Variants in SLC34A3 observed in about 807,000 individuals in gnomAD.
SLC34A3 encodes the protein sodium-dependent phosphate transport protein 2C.
SLC34A3 carries 60 observed loss-of-function variants against 43.9 expected under a neutral mutation model. That is an observed-to-expected ratio of 1.37 (90% CI 1.11 to 1.70). The LOEUF (loss-of-function observed/expected upper bound fraction) is 1.70, where lower values mean the gene tolerates loss of function less well. Among genes scored for constraint, SLC34A3 ranks in the 40% most tolerant of loss-of-function variants. SLC34A3 has a pLI of 0.00. For synonymous variants in SLC34A3, 451 were observed against 386.2 expected (o/e 1.17, Z -1.97); for missense variants, 969 against 823.8 (o/e 1.18, Z -2.16).
intron 2 of SLC34A3, 69 bp from the exon 3 acceptor site, chr9:137,232,003 T>C (rs1404283233): frequency 6.8e-7 from 1 of 1,465,658 alleles, no homozygotes; most frequent in East Asian, 2.3e-5. Context: ...TCCTCCGGCC[T>C]GTGCCCTTGT....
chr9:137,235,924 A>C, intron 12 of SLC34A3, 28 bp from the exon 13 acceptor site: 1 of 1,605,872 alleles, frequency 6.2e-7, no homozygotes, highest in South Asian at 1.1e-5. Context: ...CGTTGGGCCC[A>C]GGCCCCTGAC....
At chr9:137,233,779 T>TGGGGGCCCCCCCCCCCC in intron 8 of SLC34A3, 57 bp downstream of exon 8, 1 of 1,445,814 alleles carries the variant, frequency 6.9e-7, no homozygotes, top group South Asian at 1.2e-5. Context: ...TGCTGAGTCA[T>TGGGGGCCCCCCCCCCCC]CCCGCCCCAC....
intron 12 of SLC34A3, 33 bp from the exon 13 acceptor site, chr9:137,235,919 G>T (rs777051115): frequency 4.1e-5 from 65 of 1,604,504 alleles, no homozygotes; most frequent in Non-Finnish European, 2.6e-6. Flanking sequence ...CACCTCGTTG[G>T]GCCCAGGCCC....
chr9:137,231,611 G>A (rs1426762880), intron 1 of SLC34A3, 53 bp from the exon 2 acceptor site: 2 of 1,150,728 alleles, frequency 1.7e-6, no homozygotes, highest in Non-Finnish European at 2.6e-6. Flanking sequence ...AGCTTGTGAG[G>A]ACAGGGCCGG....
intron 8 of SLC34A3, 57 bp downstream of exon 8, chr9:137,233,779 T>TGGGGCCCCCCCCCCCC: frequency 6.9e-7 from 1 of 1,445,812 alleles, no homozygotes; most frequent in Non-Finnish European, 9.6e-7. Context: ...TGCTGAGTCA[T>TGGGGCCCCCCCCCCCC]CCCGCCCCAC....
intron 7 of SLC34A3, 33 bp downstream of exon 7, chr9:137,233,437 C>T: frequency 1.9e-6 from 3 of 1,591,104 alleles, no homozygotes; most frequent in Non-Finnish European, 2.6e-6. Context: ...CCCAGAGAGC[C>T]TGAGCAGGCC....
At position 137,235,989 on chromosome 9, in the gene SLC34A3, T is replaced by A. The variant is rs1407987712; in HGVS notation, c.1373T>A (p.Ile458Asn). The change falls in exon 13 of 13, where the codon ATC becomes AAC. Residue 458 changes from isoleucine to asparagine, a missense_variant. Coordinates refer to ENST00000673835, the MANE Select transcript of SLC34A3 (RefSeq NM_001177316.2). ...CACTTCTTCTTCAACCTGGCCGGCA[T>A]CCTGCTGTGGTACCTGGTGCCTGCA... is the stretch of plus-strand genomic sequence containing the variant. The part of the protein sequence containing the change: ...LIHFFFNLAG[I>N]LLWYLVPALR... 4 of 1,612,550 alleles carry A rather than the reference T, an allele frequency of 2.5e-6. No individual in the cohort carries two copies. In the Admixed American group the frequency reaches 6.7e-5, roughly 27 times the overall value.
At chr9:137,233,451 T>C in intron 7 of SLC34A3, 47 bp downstream of exon 7, 1 of 1,591,110 alleles carries the variant, frequency 6.3e-7, no homozygotes, top group Non-Finnish European at 8.5e-7. Context: ...GCAGGCCGGA[T>C]GGGAGGAGGG....
At position 137,233,100 on chromosome 9, in the gene SLC34A3, G is replaced by A. The variant is rs759525091; in HGVS notation, c.545G>A (p.Arg182Gln). 206 of 1,604,208 alleles carry A rather than the reference G, an allele frequency of 1.3e-4. No homozygotes were observed. Among genetic ancestry groups the A allele is most frequent in the East Asian group, 6.1e-4 (27 of 44,168 alleles). ...TLVSMAQSGDRDEFQRAFSGS... is the reference protein window; with the variant it reads ...TLVSMAQSGDQDEFQRAFSGS... ...GTCTCAATGGCGCAGTCAGGGGACC[G>A]GGATGAATTTCAGAGGTGAGTTGTG... Residue 182 changes from arginine (R) to glutamine (Q), a missense_variant, in exon 6 of 13, where the codon CGG becomes CAG. Transcript: ENST00000673835.
At chr9:137,233,779 T>TTGGGCGCCCC in intron 8 of SLC34A3, 57 bp downstream of exon 8, 5 of 1,445,814 alleles carry the variant, frequency 3.5e-6, no homozygotes, top group Middle Eastern at 2.1e-4. Context: ...TGCTGAGTCA[T>TTGGGCGCCCC]CCCGCCCCAC....
Position 137,236,320 on chromosome 9 carries a change from C to G in SLC34A3, c.1704C>G (p.Arg568=), listed in dbSNP as rs1385288792. 2.6e-6 allele frequency: 4 copies of G among 1,542,622 alleles called. No individual in the cohort carries two copies. The East Asian group carries it at 9.8e-5, about 38-fold the overall frequency. Residue 568 remains arginine (R), a synonymous_variant, in exon 13 of 13, where the codon CGC becomes CGG. Transcript: ENST00000673835. ...AGCCCTGGGACCGCCTGGTGACCCG[C>G]TGCTGCCCCTGCAACGTCTGCAGCC... ...SLEPWDRLVT[R]CCPCNVCSPP...
rs759747802 is a variant in SLC34A3, at chr9:137,233,395, C to T, written c.747C>T (p.Leu249=). ...TGCTGACGAAGCCGCTCACACACCT[C>T]ATCGTGCAGGTGAGGACGGCCACCG... ...LKVLTKPLTH[L]IVQLDSDMIM... The change falls in exon 7 of 13, where the codon CTC becomes CTT. Residue 249 remains leucine, a synonymous_variant. Transcript: ENST00000673835. 1.0e-5 allele frequency: 16 copies of T among 1,603,890 alleles called. No homozygotes were observed. The highest frequency in any genetic ancestry group is 1.1e-5 in the Non-Finnish European group (13 of 1,177,040).
At chr9:137,232,956 G>A (rs1245072778) in intron 5 of SLC34A3, 29 bp downstream of exon 5, 3 of 1,599,230 alleles carry the variant, frequency 1.9e-6, no homozygotes, top group South Asian at 1.1e-5. Context: ...CCCGGGTGGT[G>A]GGGGGGGCAG....
chr9:137,231,834 AC>A (rs1564415263), intron 2 of SLC34A3, 47 bp downstream of exon 2: 10 of 1,500,136 alleles, frequency 6.7e-6, no homozygotes, highest in East Asian at 4.5e-5. Context: ...CTGACCACCC[AC>A]CCCCCAGGCA....
rs754868140 is a variant in SLC34A3 at position 137,236,086 on chromosome 9, C to G, written c.1470C>G (p.Val490=). The G allele has an allele frequency of 2.5e-6, 4 of 1,612,358 alleles. No individual in the cohort carries two copies. Among genetic ancestry groups the G allele is most frequent in the Non-Finnish European group, 3.4e-6 (4 of 1,179,846 alleles). Residue 490 remains valine (V), a synonymous_variant, in exon 13 of 13, where the codon GTC becomes GTG. Transcript: ENST00000673835. ...VTARYRWVAG[V]YLLLGFLLLP... ...CCCGTTACCGCTGGGTGGCTGGGGT[C>G]TACCTGCTGCTCGGATTCCTGCTGC...
Position 137,233,149 on chromosome 9 carries a change from G to A in SLC34A3, c.560+34G>A, listed in dbSNP as rs780310346. The A allele has an allele frequency of 7.8e-6, 12 of 1,532,076 alleles. No individual in the cohort carries two copies. The East Asian group carries it at 2.5e-4, about 32-fold the overall frequency. 94.9% of individuals were successfully genotyped at this position (1,532,076 alleles called of 1,614,324 possible). On this transcript the variant is annotated intron_variant, in intron 6 of 12. Transcript: ENST00000673835. Reference sequence around the variant, plus strand: ...TGGGTGGAAGGGCTGGGCTGGGGCTGCAGTGGCAGCCCCAGCCCGGGCCCC... The same window carrying A: ...TGGGTGGAAGGGCTGGGCTGGGGCTACAGTGGCAGCCCCAGCCCGGGCCCC...
chr9:137,233,787 C>G (rs1836395807), intron 8 of SLC34A3, 65 bp downstream of exon 8: 11 of 1,456,550 alleles, frequency 7.6e-6, no homozygotes, highest in Non-Finnish European at 1.0e-5. Context: ...CATCCCGCCC[C>G]ACCCACCCTC....
At chr9:137,235,929 CCT>C (rs748932147) in intron 12 of SLC34A3, 21 bp from the exon 13 acceptor site, 54 of 1,609,220 alleles carry the variant, frequency 3.4e-5, no homozygotes, top group Middle Eastern at 2.2e-4. Flanking sequence ...GGCCCAGGCC[CCT>C]GACAGCCCCC....
Position 137,233,413 on chromosome 9 carries a change from G to A in SLC34A3, c.756+9G>A, listed in dbSNP as rs4076685. On this transcript the variant is annotated intron_variant, in intron 7 of 12. Coordinates refer to ENST00000673835, the MANE Select transcript of SLC34A3 (RefSeq NM_001177316.2). Reference sequence around the variant, plus strand: ...CACACCTCATCGTGCAGGTGAGGACGGCCACCGCCCCCGCCCAGAGAGCCT... The same window carrying A: ...CACACCTCATCGTGCAGGTGAGGACAGCCACCGCCCCCGCCCAGAGAGCCT... 37,630 of 1,597,434 alleles carry A rather than the reference G, an allele frequency of 0.024. 686 individuals are homozygous for A. Among genetic ancestry groups the A allele is most frequent in the Admixed American group, 0.086 (5,022 of 58,100 alleles).
Sources: allele counts gnomAD v4.1 joint callset, GRCh38; gene constraint gnomAD v4.1.1; transcripts MANE v1.5; gene names NCBI Gene and HGNC (gene_info 2026-07-23, HGNC 2026-07-21).